Variants in LRP1B observed in about 807,000 individuals in gnomAD.
LRP1B encodes the protein low-density lipoprotein receptor-related protein 1B.
Under a neutral mutation model 556.6 loss-of-function variants are expected in LRP1B, and 217 were observed. That is an observed-to-expected ratio of 0.39 (90% CI 0.35 to 0.44). The LOEUF is 0.44. Ranked by LOEUF, LRP1B falls within the 20% of genes least tolerant of loss-of-function variation. LRP1B has a pLI of 1.00. For synonymous variants in LRP1B, 2,047 were observed against 1,865.8 expected (o/e 1.10, Z -2.50); for missense variants, 5,053 against 5,620.8 (o/e 0.90, Z 3.23).
chr2:142,051,375 T>C (rs978786777), intron 1 of LRP1B, among the ~76,000 whole-genome samples: 3 of 152,094 alleles, frequency 2.0e-5, no homozygotes, highest in African/African-American at 7.2e-5. Flanking sequence ...TATATCCATA[T>C]ACCTTTGTAG....
At chr2:141,802,071 G>T (rs1238019168) in intron 2 of LRP1B, among the ~76,000 whole-genome samples, 1 of 152,050 alleles carries the variant, frequency 6.6e-6, no homozygotes, top group East Asian at 1.9e-4. Flanking sequence ...CTTGTAAATG[G>T]CCACCTGCTT....
chr2:141,051,396 A>C (rs1699031460), intron 10 of LRP1B, among the ~76,000 whole-genome samples: 1 of 152,120 alleles, frequency 6.6e-6, no homozygotes, highest in Non-Finnish European at 1.5e-5. Context: ...TCAATGAAAG[A>C]CTGGATAAAG....
chr2:141,523,940 G>T (rs1451705412), intron 2 of LRP1B, among the ~76,000 whole-genome samples: 2 of 152,140 alleles, frequency 1.3e-5, no homozygotes, highest in Non-Finnish European at 2.9e-5. Flanking sequence ...ATTGTCACTT[G>T]TAATTGTCTT....
chr2:141,095,460 T>C (rs1407503386), intron 7 of LRP1B, among the ~76,000 whole-genome samples: 1 of 135,750 alleles, frequency 7.4e-6, no homozygotes. Flanking sequence ...AGAAAAAATA[T>C]ACAACATACA....
At chr2:140,504,981 G>C (rs13023357) in intron 53 of LRP1B, among the ~76,000 whole-genome samples, 1 of 152,144 alleles carries the variant, frequency 6.6e-6, no homozygotes. Flanking sequence ...ACTGGCCTCT[G>C]AGAGACAAAA....
chr2:141,020,963 C>T (rs1698048409), intron 11 of LRP1B, among the ~76,000 whole-genome samples: 1 of 151,952 alleles, frequency 6.6e-6, no homozygotes, highest in Non-Finnish European at 1.5e-5. Flanking sequence ...TCTGTAGCAT[C>T]CTGTCTTCAT....
chr2:140,597,057 A>C (rs1682470586), intron 43 of LRP1B, among the ~76,000 whole-genome samples: 2 of 152,308 alleles, frequency 1.3e-5, no homozygotes, highest in Middle Eastern at 3.4e-3. Flanking sequence ...TGTATTGCTC[A>C]TTTTATTAAC....
At chr2:141,322,387 T>A (rs1408146067) in intron 3 of LRP1B, among the ~76,000 whole-genome samples, 2 of 152,082 alleles carry the variant, frequency 1.3e-5, no homozygotes, top group Non-Finnish European at 2.9e-5. Flanking sequence ...CCGGGGTATC[T>A]TGGGGAACAG....
chr2:141,031,114 G>T (rs770939244), intron 11 of LRP1B, among the ~76,000 whole-genome samples: 1 of 151,840 alleles, frequency 6.6e-6, no homozygotes, highest in Admixed American at 6.6e-5. Flanking sequence ...CTGTTATACA[G>T]CAACAGATAT....
chr2:141,044,446 T>C (rs932518830), intron 11 of LRP1B, among the ~76,000 whole-genome samples: 28 of 151,328 alleles, frequency 1.9e-4, no homozygotes, highest in Admixed American at 5.9e-4. Context: ...AAAGAGCTTC[T>C]GCACAGCAAA....
intron 2 of LRP1B, among the ~76,000 whole-genome samples, chr2:141,608,519 C>A (rs1218029081): frequency 6.6e-6 from 1 of 152,130 alleles, no homozygotes; most frequent in African/African-American, 2.4e-5. Flanking sequence ...ACTTAAAACA[C>A]TAAATACTGA....
At chr2:141,008,625 A>G (rs1363650509) in intron 14 of LRP1B, among the ~76,000 whole-genome samples, 1 of 151,914 alleles carries the variant, frequency 6.6e-6, no homozygotes, top group Non-Finnish European at 1.5e-5. Context: ...AGCTTTCATT[A>G]TCTAGTTGAA....
intron 31 of LRP1B, among the ~76,000 whole-genome samples, chr2:140,825,543 C>T (rs1691473045): frequency 6.6e-6 from 1 of 152,052 alleles, no homozygotes; most frequent in African/African-American, 2.4e-5. Flanking sequence ...GTAAACATTG[C>T]AAAGCCAGTA....
At chr2:140,942,537 A>G (rs977705178) in intron 20 of LRP1B, among the ~76,000 whole-genome samples, 3 of 152,152 alleles carry the variant, frequency 2.0e-5, no homozygotes, top group Admixed American at 1.3e-4. Flanking sequence ...AGGCAGCTAG[A>G]GACAAAAGTC....
intron 2 of LRP1B, among the ~76,000 whole-genome samples, chr2:141,512,933 T>C (rs1315201528): frequency 1.3e-5 from 2 of 152,162 alleles, no homozygotes. Flanking sequence ...AACTAGATCA[T>C]CTTGATCTAT....
chr2:141,529,321 A>C (rs1431656278), intron 2 of LRP1B, among the ~76,000 whole-genome samples: 1 of 152,156 alleles, frequency 6.6e-6, no homozygotes, highest in Non-Finnish European at 1.5e-5. Context: ...TTTCTTCAAA[A>C]CCTAATAGAT....
intron 2 of LRP1B, among the ~76,000 whole-genome samples, chr2:141,802,520 T>C (rs1470302289): frequency 6.6e-6 from 1 of 152,082 alleles, no homozygotes; most frequent in Non-Finnish European, 1.5e-5. Context: ...AGGGCCAATA[T>C]AGCAATTAAT....
At chr2:141,046,077 A>T (rs1698860696) in intron 11 of LRP1B, among the ~76,000 whole-genome samples, 2 of 152,156 alleles carry the variant, frequency 1.3e-5, no homozygotes, top group Admixed American at 1.3e-4. Flanking sequence ...AGGAGAAAAA[A>T]AATCAAATAA....
At chr2:141,934,425 G>A (rs1700581326) in intron 1 of LRP1B, among the ~76,000 whole-genome samples, 2 of 152,072 alleles carry the variant, frequency 1.3e-5, no homozygotes, top group Admixed American at 6.6e-5. Flanking sequence ...GCAAATCTGA[G>A]GAGGATACAT....
Sources: gnomAD v4.1 joint callset for allele counts (sites outside exome capture counted in the v4.1 genomes callset) on GRCh38, gnomAD v4.1.1 for gene constraint, MANE v1.5 for transcripts, NCBI Gene and HGNC (gene_info 2026-07-23, HGNC 2026-07-21) for gene names.